The following HMGB1 variants were observed in gnomAD, a reference collection of about 807,000 sequenced individuals.
HMGB1 encodes the protein high mobility group box 1.
For missense variants in HMGB1, 79 were observed against 253.5 expected (o/e 0.31, Z 4.67); for synonymous variants, 81 against 84.0 (o/e 0.96, Z 0.19).
Position 30,462,463 on chromosome 13 carries a change from T to C in HMGB1, c.471+75A>G, listed in dbSNP as rs749911025. On this transcript the variant is annotated intron_variant, in intron 4 of 4. Coordinates refer to ENST00000341423, the MANE Select transcript of HMGB1 (RefSeq NM_002128.7). Reference sequence around the variant, plus strand: ...TGTAGCTGTTACCCTAAAAACTTATTACACCTCAAACTAAGTACAATCATA... The same window carrying C: ...TGTAGCTGTTACCCTAAAAACTTATCACACCTCAAACTAAGTACAATCATA... 7 of 1,207,016 alleles carry C rather than the reference T, an allele frequency of 5.8e-6. No individual in the cohort carries two copies. The African/African-American group carries it at 5.9e-5, about 10-fold the overall frequency. The allele number at this position is 1,207,016 out of a possible 1,614,324, so 74.8% of individuals were successfully genotyped here.
chr13:30,518,134 C>G lies in HMGB1; in HGVS notation c.-14-54440G>C, dbSNP rs144597303. ...ATCGCTTGAGCCTAGGAATTTAAGA[C>G]CAGCCTGGGCAAGATAGCGAGACTT... On this transcript the variant is annotated intron_variant, in intron 1 of 4. Transcript: ENST00000405805. Among the ~76,000 whole-genome samples the G allele has an allele frequency of 6.4e-4, 97 of 152,014 alleles. No individual in the cohort carries two copies. The Middle Eastern group carries it at 0.014, about 21-fold the overall frequency.
At chr13:30,493,983 T>G (rs1887555469) in intron 1 of HMGB1, among the ~76,000 whole-genome samples, 1 of 152,022 alleles carries the variant, frequency 6.6e-6, no homozygotes, top group South Asian at 2.1e-4. Context: ...AATAAGCATC[T>G]AATAAATGCT....
At position 30,591,027 on chromosome 13, in the gene HMGB1, C is replaced by CTTTT. The variant is rs910554887; in HGVS notation, c.-15+25640_-15+25643dup. Among the ~76,000 whole-genome samples the CTTTT allele has an allele frequency of 2.4e-3, 264 of 109,904 alleles. 9 individuals are homozygous for CTTTT. Among genetic ancestry groups the CTTTT allele is most frequent in the African/African-American group, 9.0e-3 (252 of 28,020 alleles). The allele number at this position is 109,904 out of a possible 152,430, so 72.1% of individuals were successfully genotyped here. On this transcript the variant is annotated intron_variant, in intron 1 of 4. Transcript: ENST00000405805. ...AACAGGTTAGAAAAGGAGGCAGGGCCTTTTTTTTTTTTTTTTTTTTTTTGA... is the reference window on the plus strand; with the variant it reads ...AACAGGTTAGAAAAGGAGGCAGGGCCTTTTTTTTTTTTTTTTTTTTTTTTTTTGA...
chr13:30,612,474 G>C (rs1379306365), intron 1 of HMGB1, among the ~76,000 whole-genome samples: 1 of 152,184 alleles, frequency 6.6e-6, no homozygotes, highest in Non-Finnish European at 1.5e-5. Flanking sequence ...AGCGAATACA[G>C]TTACTAAAGC....
At chr13:30,575,312 T>A (rs1299058097) in intron 1 of HMGB1, among the ~76,000 whole-genome samples, 4 of 152,188 alleles carry the variant, frequency 2.6e-5, no homozygotes, top group Non-Finnish European at 5.9e-5. Context: ...TAAGTACTGA[T>A]GAGGATGTAC....
intron 4 of HMGB1, among the ~76,000 whole-genome samples, chr13:30,461,960 C>T (rs1361994542): frequency 6.6e-6 from 1 of 152,016 alleles, no homozygotes; most frequent in Non-Finnish European, 1.5e-5. Context: ...TGTCAATAAA[C>T]ATGCAATTAG....
At chr13:30,555,276 C>T (rs1869637742) in intron 1 of HMGB1, among the ~76,000 whole-genome samples, 1 of 151,914 alleles carries the variant, frequency 6.6e-6, no homozygotes, top group African/African-American at 2.4e-5. Flanking sequence ...CTCCTGACCT[C>T]GTGATCCGCC....
chr13:30,473,225 C>T (rs181004199), intron 1 of HMGB1, among the ~76,000 whole-genome samples: 1 of 152,280 alleles, frequency 6.6e-6, no homozygotes, highest in East Asian at 1.9e-4. Flanking sequence ...AAATCAGCAG[C>T]TTCTCCGTGG....
intron 1 of HMGB1, chr13:30,554,659 T>C: frequency 1.3e-6 from 1 of 771,938 alleles, no homozygotes; most frequent in Non-Finnish European, 2.4e-6. Flanking sequence ...GTGACCGATG[T>C]ACAGTAAATG....
intron 1 of HMGB1, among the ~76,000 whole-genome samples, chr13:30,584,889 T>C (rs1003928313): frequency 7.9e-5 from 12 of 152,266 alleles, no homozygotes; most frequent in African/African-American, 2.9e-4. Context: ...GGTTCACGCC[T>C]GTAATCCTAG....
At chr13:30,615,079 TTTC>T (rs1211027431) in intron 1 of HMGB1, among the ~76,000 whole-genome samples, 1 of 152,168 alleles carries the variant, frequency 6.6e-6, no homozygotes, top group Non-Finnish European at 1.5e-5. Context: ...AAACTACTAA[TTTC>T]TTGTTTGGAT....
At chr13:30,547,791 C>T (rs1869231438) in intron 1 of HMGB1, among the ~76,000 whole-genome samples, 1 of 152,070 alleles carries the variant, frequency 6.6e-6, no homozygotes, top group South Asian at 2.1e-4. Flanking sequence ...GTGGCACACA[C>T]TTGTGATCCC....
chr13:30,489,637 G>A (rs1265301724), intron 1 of HMGB1, among the ~76,000 whole-genome samples: 2 of 152,018 alleles, frequency 1.3e-5, no homozygotes, highest in Non-Finnish European at 2.9e-5. Context: ...GTCAGGATAC[G>A]AATAGATTCC....
At chr13:30,518,711 C>CT (rs573738449) in intron 1 of HMGB1, among the ~76,000 whole-genome samples, 237 of 145,070 alleles carry the variant, frequency 1.6e-3, no homozygotes, top group Middle Eastern at 7.1e-3. Flanking sequence ...TCATAGAAAC[C>CT]TTTTTTTTTT....
intron 1 of HMGB1, among the ~76,000 whole-genome samples, chr13:30,574,421 T>C (rs948762484): frequency 9.9e-5 from 15 of 152,214 alleles, no homozygotes; most frequent in African/African-American, 3.6e-4. Context: ...CTACCATAGA[T>C]GATGTTCAAT....
intron 1 of HMGB1, among the ~76,000 whole-genome samples, chr13:30,517,073 AAAG>A (rs1888118316): frequency 6.6e-6 from 1 of 152,226 alleles, no homozygotes; most frequent in Admixed American, 6.5e-5. Context: ...GTACTTCCAA[AAAG>A]AAGGAATGAC....
chr13:30,542,832 T>C (rs1183313049), intron 1 of HMGB1: 1 of 157,794 alleles, frequency 6.3e-6, no homozygotes, highest in Non-Finnish European at 1.4e-5. Flanking sequence ...CTCACTGTGA[T>C]GCAGGACGGC....
intron 1 of HMGB1, among the ~76,000 whole-genome samples, chr13:30,600,675 T>C (rs543267695): frequency 2.5e-4 from 38 of 152,238 alleles, no homozygotes; most frequent in African/African-American, 8.9e-4. Flanking sequence ...GGCGCAATCC[T>C]GACTCACTGC....
At chr13:30,576,370 T>C (rs1005484130) in intron 1 of HMGB1, among the ~76,000 whole-genome samples, 2 of 152,110 alleles carry the variant, frequency 1.3e-5, no homozygotes, top group African/African-American at 4.8e-5. Context: ...ATCATCTCTT[T>C]TGGTCCTACT....
Sources: allele counts gnomAD v4.1 joint callset (sites outside exome capture counted in the v4.1 genomes callset), GRCh38; gene constraint gnomAD v4.1.1; transcripts MANE v1.5; gene names NCBI Gene and HGNC (gene_info 2026-07-23, HGNC 2026-07-21).